Variants in TMEM135 observed in about 807,000 individuals in gnomAD.
TMEM135 encodes the protein transmembrane protein 135.
A neutral mutation model predicts 60.3 loss-of-function variants in TMEM135; 30 were observed. The ratio of observed to expected loss-of-function variants is 0.50; its 90% CI spans 0.37 to 0.68. The LOEUF (loss-of-function observed/expected upper bound fraction) is 0.68. Ranked by LOEUF, TMEM135 falls within the 30% of genes least tolerant of loss-of-function variation. The pLI, the probability that TMEM135 is intolerant of heterozygous loss-of-function variation, is 0.00. For synonymous variants in TMEM135, 190 were observed against 186.7 expected (o/e 1.02, Z -0.14); for missense variants, 468 against 548.8 (o/e 0.85, Z 1.47).
chr11:87,270,547 A>T (rs940583682), intron 6 of TMEM135, among the ~76,000 whole-genome samples: 7 of 152,066 alleles, frequency 4.6e-5, no homozygotes, highest in Non-Finnish European at 8.8e-5. Flanking sequence ...ATATAACTAA[A>T]GAACATTTCC....
At chr11:87,144,726 G>A (rs903293454) in intron 4 of TMEM135, among the ~76,000 whole-genome samples, 1 of 150,096 alleles carries the variant, frequency 6.7e-6, no homozygotes, top group Non-Finnish European at 1.5e-5. Flanking sequence ...GTGTGTGTGT[G>A]TGTGTGTGTT....
intron 5 of TMEM135, among the ~76,000 whole-genome samples, chr11:87,215,217 G>T (rs1940469521): frequency 6.6e-6 from 1 of 151,996 alleles, no homozygotes; most frequent in Non-Finnish European, 1.5e-5. Context: ...ATTGGATAGG[G>T]TTCTTTGTTC....
chr11:87,317,038 C>A (rs547944099), intron 12 of TMEM135, among the ~76,000 whole-genome samples: 41 of 151,962 alleles, frequency 2.7e-4, no homozygotes, highest in Non-Finnish European at 4.3e-4. Flanking sequence ...TAAAAATCAA[C>A]TGTATAGACC....
At chr11:87,131,011 A>G (rs1219880599) in intron 4 of TMEM135, among the ~76,000 whole-genome samples, 1 of 150,666 alleles carries the variant, frequency 6.6e-6, no homozygotes, top group Non-Finnish European at 1.5e-5. Flanking sequence ...CCTTTAACAA[A>G]TTAGGCTTTA....
intron 6 of TMEM135, chr11:87,258,858 T>A: frequency 3.7e-6 from 3 of 809,644 alleles, no homozygotes; most frequent in Non-Finnish European, 6.4e-6. Flanking sequence ...TCTAGATCTT[T>A]CCAGGAAGTG....
chr11:87,084,033 T>A (rs941928335), intron 3 of TMEM135, among the ~76,000 whole-genome samples: 4 of 152,108 alleles, frequency 2.6e-5, no homozygotes, highest in African/African-American at 4.8e-5. Context: ...TCCTACTGTA[T>A]TCCCCAGCGG....
At chr11:87,247,335 G>C (rs191587866) in intron 6 of TMEM135, among the ~76,000 whole-genome samples, 2 of 152,214 alleles carry the variant, frequency 1.3e-5, no homozygotes, top group South Asian at 4.1e-4. Context: ...CAGTCTGCCC[G>C]TTCTCAGATC....
In TMEM135 at chr11:87,325,679, A is replaced by C. The variant is rs1322272779; in HGVS notation, c.*4346A>C. 4 of 452,234 alleles carry C rather than the reference A, an allele frequency of 8.8e-6. No individual in the cohort carries two copies. Among genetic ancestry groups the C allele is most frequent in the South Asian group, 6.2e-5 (4 of 64,312 alleles). The allele number at this position is 452,234 out of a possible 1,614,324, so 28.0% of individuals were successfully genotyped here. On this transcript the variant is annotated 3_prime_UTR_variant, in exon 15 of 15. Coordinates refer to ENST00000305494, the MANE Select transcript of TMEM135 (RefSeq NM_022918.4). ...GTGATCATAACGGTGATAACAATGG[A>C]GTAAACATTTCCAGAGACACTGATT...
At chr11:87,139,591 G>T (rs535623684) in intron 4 of TMEM135, among the ~76,000 whole-genome samples, 3 of 152,252 alleles carry the variant, frequency 2.0e-5, no homozygotes, top group African/African-American at 7.2e-5. Flanking sequence ...GGGCCTCATG[G>T]TAAGTATATG....
At chr11:87,216,320 G>T (rs1486620665) in intron 5 of TMEM135, among the ~76,000 whole-genome samples, 2 of 152,036 alleles carry the variant, frequency 1.3e-5, no homozygotes, top group Non-Finnish European at 2.9e-5. Context: ...TTAAGTGCAT[G>T]GTGGGTGTGA....
intron 4 of TMEM135, among the ~76,000 whole-genome samples, chr11:87,098,126 A>G (rs913724778): frequency 2.1e-5 from 3 of 142,738 alleles, no homozygotes; most frequent in South Asian, 2.3e-4. Flanking sequence ...TAACCCATCT[A>G]TGCTGGAGGT....
chr11:87,101,449 A>T (rs531198251), intron 4 of TMEM135, among the ~76,000 whole-genome samples: 1 of 152,328 alleles, frequency 6.6e-6, no homozygotes, highest in South Asian at 2.1e-4. Context: ...CTTACATTTT[A>T]TTATAAGAAA....
intron 3 of TMEM135, among the ~76,000 whole-genome samples, chr11:87,079,570 G>T (rs571709097): frequency 6.6e-6 from 1 of 151,762 alleles, no homozygotes; most frequent in South Asian, 2.1e-4. Flanking sequence ...CCTGCAAATA[G>T]GGATGGTTTT....
chr11:87,213,311 A>G (rs114690420), intron 5 of TMEM135, among the ~76,000 whole-genome samples: 18 of 152,276 alleles, frequency 1.2e-4, no homozygotes, highest in African/African-American at 4.1e-4. Context: ...TGAAATTTTA[A>G]TAAATGTAAC....
chr11:87,118,061 G>T (rs1318312614), intron 4 of TMEM135, among the ~76,000 whole-genome samples: 1 of 146,032 alleles, frequency 6.8e-6, no homozygotes, highest in Non-Finnish European at 1.5e-5. Flanking sequence ...TTGTCAATGA[G>T]TAGTAATATT....
chr11:87,296,178 T>C (rs955226888), intron 7 of TMEM135, among the ~76,000 whole-genome samples: 1 of 152,174 alleles, frequency 6.6e-6, no homozygotes, highest in Admixed American at 6.5e-5. Context: ...ATGGGTTTGC[T>C]TTAGGGCAGG....
intron 5 of TMEM135, among the ~76,000 whole-genome samples, chr11:87,221,198 G>A (rs138423613): frequency 6.6e-6 from 1 of 152,062 alleles, no homozygotes; most frequent in Non-Finnish European, 1.5e-5. Context: ...CATAATTGAG[G>A]GGCTAAAATA....
At position 87,252,469 on chromosome 11, in the gene TMEM135, T is replaced by G. The variant is rs1471851804; in HGVS notation, c.509+15785T>G. 3.3e-5 allele frequency among the ~76,000 whole-genome samples: 5 copies of G among 152,128 alleles called. No homozygotes were observed. In the East Asian group the frequency reaches 9.7e-4, roughly 29 times the overall value. On this transcript the variant is annotated intron_variant, in intron 6 of 14. Coordinates refer to ENST00000305494, the MANE Select transcript of TMEM135 (RefSeq NM_022918.4). The stretch of plus-strand genomic sequence containing the variant: ...TGGTCTTTCTTAAAAGATAATTTAA[T>G]TTCTTATAAAAATAGACATGGAGCC...
intron 5 of TMEM135, among the ~76,000 whole-genome samples, chr11:87,224,574 G>C (rs1226708589): frequency 6.6e-6 from 1 of 151,972 alleles, no homozygotes; most frequent in Non-Finnish European, 1.5e-5. Flanking sequence ...AGGTTAATGG[G>C]AATACCACCC....
Sources: allele counts gnomAD v4.1 joint callset (sites outside exome capture counted in the v4.1 genomes callset), GRCh38; gene constraint gnomAD v4.1.1; transcripts MANE v1.5; gene names NCBI Gene and HGNC (gene_info 2026-07-23, HGNC 2026-07-21).